Variants in SMYD3 observed in about 807,000 individuals in gnomAD.
SMYD3 encodes histone-lysine N-methyltransferase SMYD3.
A neutral mutation model predicts 57.7 loss-of-function variants in SMYD3; 36 were observed. The observed-to-expected ratio is 0.62, with a 90% CI of 0.48 to 0.82. The LOEUF is 0.82. Ranked by LOEUF, SMYD3 falls within the 40% of genes least tolerant of loss-of-function variation. The pLI is 0.00. For missense variants in SMYD3, 515 were observed against 538.8 expected (o/e 0.96, Z 0.44); for synonymous variants, 211 against 195.0 (o/e 1.08, Z -0.68).
intron 8 of SMYD3, among the ~76,000 whole-genome samples, chr1:245,867,782 G>T (rs563343027): frequency 5.3e-5 from 8 of 152,192 alleles, no homozygotes; most frequent in Non-Finnish European, 1.0e-4. Flanking sequence ...ATCGGGGAAG[G>T]TCTCACCAAA....
chr1:245,750,236 A>G (rs1486829923), intron 11 of SMYD3, among the ~76,000 whole-genome samples: 3 of 152,202 alleles, frequency 2.0e-5, no homozygotes, highest in Non-Finnish European at 2.9e-5. Context: ...CTTCAATAAT[A>G]GAGTATAATA....
At position 245,946,657 on chromosome 1, in the gene SMYD3, T is replaced by TCC. The variant is rs1202421940; in HGVS notation, c.532-16721_532-16720insGG. Among the ~76,000 whole-genome samples, 7 of 152,028 alleles carry TCC rather than the reference T, an allele frequency of 4.6e-5. No homozygotes were observed. In the East Asian group the frequency reaches 1.4e-3, roughly 29 times the overall value. ...ATGAAGGAAGTACGTACAGGCAGAG[T>TCC]GGGGAGGGGGTTAAGCTAAAGGTCG... is the stretch of plus-strand genomic sequence containing the variant. On this transcript the variant is annotated intron_variant, in intron 5 of 11. Coordinates refer to ENST00000490107, the MANE Select transcript of SMYD3 (RefSeq NM_001167740.2).
At chr1:246,016,175 G>A (rs1340320705) in intron 5 of SMYD3, among the ~76,000 whole-genome samples, 2 of 151,900 alleles carry the variant, frequency 1.3e-5, no homozygotes, top group African/African-American at 4.8e-5. Flanking sequence ...GCGGAGGTGG[G>A]AGGATTGCTT....
chr1:246,283,561 A>T (rs1423969496), intron 5 of SMYD3, among the ~76,000 whole-genome samples: 2 of 152,344 alleles, frequency 1.3e-5, no homozygotes, highest in East Asian at 1.9e-4. Flanking sequence ...TAACGTCCTC[A>T]TTCATATATA....
chr1:245,996,249 T>C (rs1024150546), intron 5 of SMYD3, among the ~76,000 whole-genome samples: 2 of 152,174 alleles, frequency 1.3e-5, no homozygotes, highest in Admixed American at 6.5e-5. Context: ...GCTAGCCACA[T>C]AGAGGATGCT....
At position 246,464,128 on chromosome 1, in the gene SMYD3, AG is replaced by A. The variant is rs564645466; in HGVS notation, c.164+42925del. Among the ~76,000 whole-genome samples the A allele has an allele frequency of 1.4e-4, 21 of 152,246 alleles. No individual in the cohort carries two copies. In the South Asian group the frequency reaches 3.7e-3, roughly 27 times the overall value. On this transcript the variant is annotated intron_variant, in intron 1 of 11. Transcript: ENST00000490107. The stretch of plus-strand genomic sequence containing the variant: ...CTTAAGAAGTGTAAGGCAAACGGAG[AG>A]GGTGCTCTTTGTTTTCTTTTTGAGG...
chr1:246,289,075 A>T (rs2064634230), intron 5 of SMYD3, among the ~76,000 whole-genome samples: 1 of 152,208 alleles, frequency 6.6e-6, no homozygotes, highest in Admixed American at 6.5e-5. Context: ...AGATTGCGCC[A>T]CTGCACTCCA....
chr1:245,973,027 TACC>T (rs974297454), intron 5 of SMYD3, among the ~76,000 whole-genome samples: 3 of 152,222 alleles, frequency 2.0e-5, no homozygotes, highest in African/African-American at 7.2e-5. Context: ...CTGCTGCTGT[TACC>T]ACTACTGCCA....
Position 246,164,041 on chromosome 1 carries a change from C to T in SMYD3, c.531+163160G>A, listed in dbSNP as rs188578133. Among the ~76,000 whole-genome samples, 244 of 152,314 alleles carry T rather than the reference C, an allele frequency of 1.6e-3. 1 individual carries two copies. Among genetic ancestry groups the T allele is most frequent in the African/African-American group, 5.4e-3 (226 of 41,582 alleles). On this transcript the variant is annotated intron_variant, in intron 5 of 11. Coordinates refer to ENST00000490107, the MANE Select transcript of SMYD3 (RefSeq NM_001167740.2). The stretch of plus-strand genomic sequence containing the variant: ...TCTGCTGGGTTTCCTCCTCTACCCC[C>T]ACCCTAGCAAGAGTCAACTCAGACC...
chr1:246,451,180 A>G (rs1340437281), intron 1 of SMYD3, among the ~76,000 whole-genome samples: 1 of 152,230 alleles, frequency 6.6e-6, no homozygotes, highest in African/African-American at 2.4e-5. Flanking sequence ...GCTGGCCTTC[A>G]ATAAATATCT....
In SMYD3 at chr1:246,330,553, G is replaced by A; in HGVS notation, c.337-16C>T. 5 of 1,574,106 alleles carry A rather than the reference G, an allele frequency of 3.2e-6. No homozygotes were observed. The highest frequency in any genetic ancestry group is 2.5e-5 in the South Asian group (2 of 80,750). ...CTCCATCCATCTGTGAAGGAAAAGGGGAAAACGCCAATAACAATTTCAAGT... is the reference window on the plus strand; with the variant it reads ...CTCCATCCATCTGTGAAGGAAAAGGAGAAAACGCCAATAACAATTTCAAGT... On this transcript the variant is annotated splice_polypyrimidine_tract_variant and intron_variant, in intron 3 of 11. Transcript: ENST00000490107.
At chr1:245,853,633 A>C (rs2051090393) in intron 10 of SMYD3, among the ~76,000 whole-genome samples, 1 of 152,240 alleles carries the variant, frequency 6.6e-6, no homozygotes, top group Admixed American at 6.5e-5. Flanking sequence ...GGAGTTCTTC[A>C]GAAAAGCCTG....
intron 5 of SMYD3, among the ~76,000 whole-genome samples, chr1:246,169,483 C>T (rs2062288611): frequency 6.7e-6 from 1 of 149,032 alleles, no homozygotes; most frequent in African/African-American, 2.5e-5. Flanking sequence ...CCTGGAGTAG[C>T]AAACAGAAGT....
rs948064589 is a variant in SMYD3 at position 246,287,515 on chromosome 1, C to T, written c.531+39686G>A. Among the ~76,000 whole-genome samples the T allele has an allele frequency of 3.9e-5, 6 of 152,170 alleles. No homozygotes were observed. The South Asian group carries it at 6.2e-4, about 16-fold the overall frequency. The stretch of plus-strand genomic sequence containing the variant: ...AGGGGGACAAGCTGGGTTTAAATTG[C>T]GTTTCTTTCACTTGCTAGGTGACCT... On this transcript the variant is annotated intron_variant, in intron 5 of 11. Coordinates refer to ENST00000490107, the MANE Select transcript of SMYD3 (RefSeq NM_001167740.2).
At chr1:246,456,280 A>G (rs2067698653) in intron 1 of SMYD3, among the ~76,000 whole-genome samples, 1 of 152,214 alleles carries the variant, frequency 6.6e-6, no homozygotes, top group Non-Finnish European at 1.5e-5. Context: ...GCATTACCTC[A>G]GTCGATTTTA....
At chr1:246,335,174 C>T (rs1029846868) in intron 3 of SMYD3, among the ~76,000 whole-genome samples, 193 bp downstream of exon 3, 11 of 152,016 alleles carry the variant, frequency 7.2e-5, no homozygotes, top group East Asian at 1.9e-4. Context: ...TAATAGACTA[C>T]GGTATAATGT....
chr1:245,855,472 T>C (rs1179618147), intron 10 of SMYD3, among the ~76,000 whole-genome samples: 1 of 152,180 alleles, frequency 6.6e-6, no homozygotes, highest in Non-Finnish European at 1.5e-5. Context: ...GAATTAACAT[T>C]AGACTAAGTT....
At chr1:246,126,459 G>GTTT (rs1167910035) in intron 5 of SMYD3, among the ~76,000 whole-genome samples, 2 of 152,204 alleles carry the variant, frequency 1.3e-5, no homozygotes, top group Non-Finnish European at 2.9e-5. Context: ...AGTAGTCACT[G>GTTT]AATTATCAAG....
At chr1:245,803,658 C>T (rs902420837) in intron 10 of SMYD3, among the ~76,000 whole-genome samples, 1 of 152,168 alleles carries the variant, frequency 6.6e-6, no homozygotes, top group Non-Finnish European at 1.5e-5. Flanking sequence ...TCTGGAACTA[C>T]TAGAATTAGG....
Sources: allele counts gnomAD v4.1 joint callset (sites outside exome capture counted in the v4.1 genomes callset), GRCh38; gene constraint gnomAD v4.1.1; transcripts MANE v1.5; gene names NCBI Gene and HGNC (gene_info 2026-07-23, HGNC 2026-07-21).